The following PRDM6 variants were observed in gnomAD, a reference collection of about 807,000 sequenced individuals.
PRDM6 encodes the protein putative histone-lysine N-methyltransferase PRDM6.
In PRDM6, 25 loss-of-function variants were observed where a neutral mutation model predicts 60.8. The observed-to-expected ratio is 0.41, with a 90% CI of 0.30 to 0.57. The LOEUF is 0.57. PRDM6 is among the 20% of genes least tolerant of loss of function. The probability of loss-of-function intolerance (pLI) is 0.27; values close to 1 mark genes in which losing one functional copy is unlikely to be tolerated. For missense variants in PRDM6, 839 were observed against 821.3 expected, an observed-to-expected ratio of 1.02 and a Z score of -0.26; for synonymous variants, 407 against 357.4, an observed-to-expected ratio of 1.14 and a Z score of -1.57.
intron 5 of PRDM6, among the ~76,000 whole-genome samples, chr5:123,167,221 A>G (rs1367767286): frequency 6.6e-6 from 1 of 151,428 alleles, no homozygotes; most frequent in Non-Finnish European, 1.5e-5. Context: ...AACTATCGTC[A>G]CCCTACTGAT....
At chr5:123,180,807 T>A (rs912108270) in intron 7 of PRDM6, among the ~76,000 whole-genome samples, 1 of 152,206 alleles carries the variant, frequency 6.6e-6, no homozygotes, top group African/African-American at 2.4e-5. Context: ...TCCTATGTGT[T>A]AAAGAGTTTG....
intron 3 of PRDM6, among the ~76,000 whole-genome samples, chr5:123,106,455 AG>A (rs1379843414): frequency 6.6e-6 from 1 of 152,144 alleles, no homozygotes; most frequent in Non-Finnish European, 1.5e-5. Flanking sequence ...TAGACAAAAA[AG>A]AGAGAGAGAG....
intron 6 of PRDM6, among the ~76,000 whole-genome samples, chr5:123,178,876 T>C (rs1478876623): frequency 6.6e-6 from 1 of 152,226 alleles, no homozygotes; most frequent in African/African-American, 2.4e-5. Flanking sequence ...TTTTGGTTTC[T>C]GGTCATTGGA....
At chr5:123,115,375 A>T (rs1431529462) in intron 3 of PRDM6, among the ~76,000 whole-genome samples, 2 of 152,160 alleles carry the variant, frequency 1.3e-5, no homozygotes, top group Non-Finnish European at 2.9e-5. Context: ...TTACATACCT[A>T]AATGTTGTAC....
chr5:123,126,921 G>A (rs772957161), intron 3 of PRDM6, among the ~76,000 whole-genome samples: 8 of 152,108 alleles, frequency 5.3e-5, no homozygotes, highest in Non-Finnish European at 1.0e-4. Context: ...CTTTTGGGGT[G>A]AGGACTGTTC....
At chr5:123,151,891 A>G (rs1369394897) in intron 3 of PRDM6, among the ~76,000 whole-genome samples, 2 of 152,082 alleles carry the variant, frequency 1.3e-5, no homozygotes, top group East Asian at 1.9e-4. Context: ...GGCAAATTTC[A>G]TCTGTTTTTA....
chr5:123,109,648 A>C (rs1580483978), intron 3 of PRDM6, among the ~76,000 whole-genome samples: 1 of 152,144 alleles, frequency 6.6e-6, no homozygotes, highest in East Asian at 1.9e-4. Context: ...GTTAAAAAAA[A>C]CCCCATTGGA....
intron 3 of PRDM6, among the ~76,000 whole-genome samples, chr5:123,122,869 G>A (rs560408688): frequency 1.3e-5 from 2 of 152,164 alleles, no homozygotes; most frequent in African/African-American, 4.8e-5. Context: ...TTTAAATTAT[G>A]AAACATTCTT....
chr5:123,144,832 G>T (rs541063577), intron 3 of PRDM6, among the ~76,000 whole-genome samples: 1 of 152,210 alleles, frequency 6.6e-6, no homozygotes, highest in South Asian at 2.1e-4. Flanking sequence ...AGCTGTTTTG[G>T]CTCACTCACA....
At chr5:123,089,670 C>T (rs868118301) in intron 1 of PRDM6, among the ~76,000 whole-genome samples, 151 bp downstream of exon 1, 2 of 152,052 alleles carry the variant, frequency 1.3e-5, no homozygotes, top group African/African-American at 2.4e-5. Context: ...CGGCTCGGGT[C>T]GGCTCCGGGC....
chr5:123,143,057 C>G (rs1347078084), intron 3 of PRDM6, among the ~76,000 whole-genome samples: 1 of 151,994 alleles, frequency 6.6e-6, no homozygotes, highest in African/African-American at 2.4e-5. Context: ...ATCCCAAGGA[C>G]TCTAACTCAG....
At chr5:123,106,333 A>G (rs2150210589) in intron 3 of PRDM6, among the ~76,000 whole-genome samples, 1 of 152,308 alleles carries the variant, frequency 6.6e-6, no homozygotes, top group South Asian at 2.1e-4. Flanking sequence ...CATCACACAC[A>G]TTTGCTTCAG....
Position 123,093,324 on chromosome 5 carries a change from G to A in PRDM6, c.592+2718G>A, listed in dbSNP as rs548317747. Among the ~76,000 whole-genome samples the A allele has an allele frequency of 2.6e-3, 402 of 152,246 alleles. 1 individual carries two copies. The highest frequency in any genetic ancestry group is 4.8e-3 in the Non-Finnish European group (324 of 68,004). ...CTTTAGCAAAGTAACTTTTTGCCTAGGATCAGCAATACATATCATTGCTCT... is the reference window on the plus strand; with the variant it reads ...CTTTAGCAAAGTAACTTTTTGCCTAAGATCAGCAATACATATCATTGCTCT... On this transcript the variant is annotated intron_variant, in intron 2 of 7. Coordinates refer to ENST00000407847, the MANE Select transcript of PRDM6 (RefSeq NM_001136239.4).
chr5:123,187,143 G>A lies in PRDM6; in HGVS notation c.1730G>A (p.Arg577Gln). 8 of 1,551,522 alleles carry A rather than the reference G, an allele frequency of 5.2e-6. No homozygotes were observed. Among genetic ancestry groups the A allele is most frequent in the Non-Finnish European group, 6.1e-6 (7 of 1,146,910 alleles). Residue 577 changes from arginine (R) to glutamine (Q), a missense_variant, in exon 8 of 8, where the codon CGG (arginine) becomes CAG (glutamine). Arg to Gln is a conservative substitution (Grantham distance 43). Transcript: ENST00000407847. ...GCCACCCAGCTGAGCCGACACCAGC[G>A]GATGCCCAATGAGTGCAAGCCAATA... ...TQATQLSRHQ[R>Q]MPNECKPITE...
chr5:123,090,044 G>A lies in PRDM6; in HGVS notation c.30G>A (p.Ser10=). The change falls in exon 2 of 8, where the codon TCG becomes TCA. Residue 10 remains serine, a synonymous_variant. Transcript: ENST00000407847. The part of the protein sequence containing the change: MLKPGDPGG[S]AFLKVDPAYL... Reference sequence around the variant, plus strand: ...TGAAGCCCGGAGACCCCGGCGGTTCGGCCTTCCTCAAAGTGGACCCAGCCT... The same window carrying A: ...TGAAGCCCGGAGACCCCGGCGGTTCAGCCTTCCTCAAAGTGGACCCAGCCT... 6.5e-7 allele frequency: 1 copy of A among 1,548,210 alleles called. No homozygotes were observed. The highest frequency in any genetic ancestry group is 8.7e-7 in the Non-Finnish European group (1 of 1,146,014).
intron 3 of PRDM6, among the ~76,000 whole-genome samples, chr5:123,111,716 A>C (rs112009226): frequency 0.019 from 2,911 of 151,432 alleles, 91 homozygotes; most frequent in African/African-American, 0.068. Flanking sequence ...ACAAAAAAAA[A>C]ACAAAATGCC....
intron 3 of PRDM6, among the ~76,000 whole-genome samples, chr5:123,137,637 CAG>C (rs1764992904): frequency 6.6e-6 from 1 of 152,014 alleles, no homozygotes; most frequent in Admixed American, 6.6e-5. Flanking sequence ...CCGGGCCTGT[CAG>C]GGGGTGGGGG....
chr5:123,157,764 A>G (rs1025133409), intron 4 of PRDM6, among the ~76,000 whole-genome samples: 2 of 152,214 alleles, frequency 1.3e-5, no homozygotes, highest in African/African-American at 2.4e-5. Context: ...TCATTCTGTT[A>G]TGATTTGTAA....
chr5:123,095,080 A>G (rs370124610), intron 2 of PRDM6, among the ~76,000 whole-genome samples: 18 of 152,286 alleles, frequency 1.2e-4, no homozygotes, highest in African/African-American at 4.1e-4. Context: ...CAGGGTCGAG[A>G]CTGAAATCAA....
Sources: gnomAD v4.1 joint callset for allele counts (sites outside exome capture counted in the v4.1 genomes callset) on GRCh38, gnomAD v4.1.1 for gene constraint, MANE v1.5 for transcripts, NCBI Gene and HGNC (gene_info 2026-07-23, HGNC 2026-07-21) for gene names.